NYAP2: variants seen among roughly 807,000 people sequenced by gnomAD.
NYAP2 encodes the protein neuronal tyrosine-phosphorylated phosphoinositide-3-kinase adapter 2.
NYAP2 carries 23 observed loss-of-function variants against 50.4 expected under a neutral mutation model. The ratio of observed to expected loss-of-function variants is 0.46; its 90% CI spans 0.33 to 0.65. NYAP2 has a LOEUF of 0.65. Among genes scored for constraint, NYAP2 ranks in the 30% least tolerant of loss-of-function variants. The probability of loss-of-function intolerance (pLI) is 0.02; values close to 1 mark genes in which losing one functional copy is unlikely to be tolerated. For missense variants in NYAP2, 885 were observed against 861.0 expected, an observed-to-expected ratio of 1.03 and a Z score of -0.35; for synonymous variants, 394 against 365.2, an observed-to-expected ratio of 1.08 and a Z score of -0.90.
At chr2:225,656,690 G>A (rs905726070), downstream of NYAP2, among the ~76,000 whole-genome samples, 1 of 152,136 alleles carries the variant, frequency 6.6e-6, no homozygotes, top group Non-Finnish European at 1.5e-5. Context: ...AAAAAAAGAA[G>A]ATAGACAACC....
chr2:225,605,745 T>A (rs1309667494), intron 5 of NYAP2, among the ~76,000 whole-genome samples: 3 of 152,128 alleles, frequency 2.0e-5, no homozygotes, highest in Non-Finnish European at 4.4e-5. Context: ...CTGTAACATG[T>A]TTTCTCCCAA....
chr2:225,649,299 T>G (rs1046836161), intron 6 of NYAP2, among the ~76,000 whole-genome samples: 1 of 152,216 alleles, frequency 6.6e-6, no homozygotes, highest in Admixed American at 6.5e-5. Context: ...CAATACATTC[T>G]GAAATGCTTT....
chr2:225,489,331 T>G (rs1270453964), intron 3 of NYAP2, among the ~76,000 whole-genome samples: 2 of 152,018 alleles, frequency 1.3e-5, no homozygotes, highest in South Asian at 2.1e-4. Flanking sequence ...GTAGCTGGGA[T>G]TACAGGTGCC....
chr2:225,431,820 T>C (rs1689260555), intron 3 of NYAP2, among the ~76,000 whole-genome samples: 1 of 152,202 alleles, frequency 6.6e-6, no homozygotes, highest in Non-Finnish European at 1.5e-5. Context: ...TGTTGAGGAA[T>C]TGAACATGGG....
chr2:225,545,490 G>T (rs562162685), intron 4 of NYAP2, among the ~76,000 whole-genome samples: 1 of 151,890 alleles, frequency 6.6e-6, no homozygotes, highest in Non-Finnish European at 1.5e-5. Flanking sequence ...ACATTCTTCA[G>T]TATGTCAATT....
At chr2:225,624,076 T>C (rs1693168394) in intron 5 of NYAP2, among the ~76,000 whole-genome samples, 1 of 152,242 alleles carries the variant, frequency 6.6e-6, no homozygotes. Context: ...TAAACATGTA[T>C]TATTGGAGAA....
chr2:225,547,516 A>C (rs529785651), intron 4 of NYAP2, among the ~76,000 whole-genome samples: 1 of 152,302 alleles, frequency 6.6e-6, no homozygotes, highest in South Asian at 2.1e-4. Flanking sequence ...ATGATTCCCT[A>C]TGGCTAGGGC....
chr2:225,690,592 A>C, the NYAP2 span, among the ~76,000 whole-genome samples: 2 of 152,118 alleles, frequency 1.3e-5, no homozygotes, highest in South Asian at 4.1e-4. Context: ...TATTAAAAAG[A>C]GTTGACCTAA....
chr2:225,509,863 G>A (rs1156674818), intron 3 of NYAP2, among the ~76,000 whole-genome samples: 1 of 152,150 alleles, frequency 6.6e-6, no homozygotes, highest in Non-Finnish European at 1.5e-5. Context: ...TCTCCTACCT[G>A]TACAAGGAAT....
intron 3 of NYAP2, among the ~76,000 whole-genome samples, chr2:225,459,757 CCTCAGCCTCCCAAGTAGCTGGGACTACAG>C (rs1327209182): frequency 2.0e-5 from 3 of 152,130 alleles, no homozygotes; most frequent in Non-Finnish European, 2.9e-5. Context: ...CATTCTCCTG[CCTCAGCCTCCCAAGTAGCTGGGACTACAG>C]CTCAGCCTCC....
At chr2:225,525,643 G>T (rs1348419978) in intron 4 of NYAP2, among the ~76,000 whole-genome samples, 1 of 152,132 alleles carries the variant, frequency 6.6e-6, no homozygotes, top group Non-Finnish European at 1.5e-5. Context: ...ATGGATGGTG[G>T]TGAGGGCTGA....
At chr2:225,414,950 T>C (rs1359267802) in intron 3 of NYAP2, among the ~76,000 whole-genome samples, 1 of 152,208 alleles carries the variant, frequency 6.6e-6, no homozygotes, top group Non-Finnish European at 1.5e-5. Context: ...CTGAGCATCA[T>C]ATCTACCATA....
intron 4 of NYAP2, among the ~76,000 whole-genome samples, chr2:225,518,755 A>T (rs577366975): frequency 7.9e-4 from 120 of 151,768 alleles, no homozygotes; most frequent in African/African-American, 2.8e-3. Context: ...ATGGTGGCTT[A>T]CACCTATAAT....
At chr2:225,538,741 C>G (rs759689674) in intron 4 of NYAP2, among the ~76,000 whole-genome samples, 20 of 148,770 alleles carry the variant, frequency 1.3e-4, no homozygotes, top group Admixed American at 9.4e-4. Flanking sequence ...AATTTCTCCT[C>G]AGAAAATGAG....
intron 6 of NYAP2, among the ~76,000 whole-genome samples, chr2:225,631,204 C>T (rs1444730854): frequency 6.6e-6 from 1 of 152,190 alleles, no homozygotes; most frequent in Non-Finnish European, 1.5e-5. Flanking sequence ...ATGTACCGTA[C>T]AGTGTCTTTA....
intron 4 of NYAP2, among the ~76,000 whole-genome samples, chr2:225,543,000 G>T (rs1241556701): frequency 1.3e-5 from 2 of 151,950 alleles, no homozygotes; most frequent in Admixed American, 6.6e-5. Context: ...TTGGTAGGTT[G>T]TATGTGTCTA....
At chr2:225,618,903 T>G (rs562636589) in intron 5 of NYAP2, among the ~76,000 whole-genome samples, 1 of 152,182 alleles carries the variant, frequency 6.6e-6, no homozygotes, top group East Asian at 1.9e-4. Flanking sequence ...AAGGCAAGAA[T>G]AGAGCCATGA....
At chr2:225,504,406 G>C (rs1690666365) in intron 3 of NYAP2, among the ~76,000 whole-genome samples, 1 of 152,084 alleles carries the variant, frequency 6.6e-6, no homozygotes, top group Admixed American at 6.5e-5. Context: ...TGGGGATTAG[G>C]TTTCAACACA....
At chr2:225,553,370 C>T (rs1275589877) in intron 4 of NYAP2, among the ~76,000 whole-genome samples, 1 of 152,214 alleles carries the variant, frequency 6.6e-6, no homozygotes, top group Non-Finnish European at 1.5e-5. Flanking sequence ...ACAGAATAAA[C>T]AAGGTTGCAG....
Sources: allele counts gnomAD v4.1 joint callset (sites outside exome capture counted in the v4.1 genomes callset), GRCh38; gene constraint gnomAD v4.1.1; transcripts MANE v1.5; gene names NCBI Gene and HGNC (gene_info 2026-07-23, HGNC 2026-07-21).